The following SMIM1 variants were observed in gnomAD, a reference collection of about 807,000 sequenced individuals.
The protein encoded by SMIM1 is small integral membrane protein 1 (Vel blood group), also known as small integral membrane protein 1.
In SMIM1, 7 loss-of-function variants were observed where a neutral mutation model predicts 7.7. The observed-to-expected ratio is 0.91, with a 90% CI of 0.52 to 1.71. The LOEUF is 1.71. Among genes scored for constraint, SMIM1 ranks in the 40% most tolerant of loss-of-function variants. The pLI is 0.00. For missense variants in SMIM1, 95 were observed against 102.8 expected (o/e 0.92, Z 0.33); for synonymous variants, 41 against 42.7 (o/e 0.96, Z 0.16).
At position 3,775,891 on chromosome 1, in the gene SMIM1, C is replaced by T. The variant is rs1403519541; in HGVS notation, c.207C>T (p.Leu69=). 6.4e-7 allele frequency: 1 copy of T among 1,550,566 alleles called. No individual in the cohort carries two copies. Among genetic ancestry groups the T allele is most frequent in the African/African-American group, 1.4e-5 (1 of 73,052 alleles). ...LFWIIFILGY[L]TGYYVHKCK The stretch of plus-strand genomic sequence containing the variant: ...GGATCATCTTCATCCTGGGCTACCT[C>T]ACAGGCTACTATGTGCACAAGTGCA... The change falls in exon 4 of 4, where the codon CTC becomes CTT. Residue 69 remains leucine, a synonymous_variant. Transcript: ENST00000642557. The surrounding 1 kb of genome is among the most constrained non-coding windows in gnomAD (Gnocchi z 5.3).
chr1:3,774,120 G>A lies in SMIM1; in HGVS notation c.-76+939G>A, dbSNP rs990164538. Among the ~76,000 whole-genome samples the A allele has an allele frequency of 3.5e-4, 53 of 151,708 alleles. 1 individual carries two copies. Among genetic ancestry groups the A allele is most frequent in the African/African-American group, 1.2e-3 (49 of 40,976 alleles). On this transcript the variant is annotated intron_variant, in intron 2 of 3. Transcript: ENST00000642557. The stretch of plus-strand genomic sequence containing the variant: ...CAGGGGAGTGGCTGCTGTGCCTTTA[G>A]GCCTCTGTGCCGATGACCTGGGAGG...
In SMIM1 at chr1:3,775,937, C is replaced by T. The variant is rs1372030940; in HGVS notation, c.*16C>T. ...GTGCAAATAAATGCTGCCCCGCATG[C>T]ACGCGGGGGGCTGGCCGCACACGTG... On this transcript the variant is annotated 3_prime_UTR_variant, in exon 4 of 4. Coordinates refer to ENST00000642557, the MANE Select transcript of SMIM1 (RefSeq NM_001288583.2). This position sits in a 1 kb window ranked among gnomAD's most constrained non-coding sequence, Gnocchi z 5.3. The T allele has an allele frequency of 1.3e-6, 2 of 1,546,078 alleles. No individual in the cohort carries two copies. The highest frequency in any genetic ancestry group is 4.9e-5 in the East Asian group (2 of 40,906).
intron 2 of SMIM1, among the ~76,000 whole-genome samples, chr1:3,773,991 TGA>T (rs544236044): frequency 3.9e-5 from 6 of 152,346 alleles, no homozygotes; most frequent in Admixed American, 2.6e-4. Context: ...TTTATGGCTT[TGA>T]GACAGCTCCT....
chr1:3,773,508 C>T (rs1305128892), intron 2 of SMIM1, among the ~76,000 whole-genome samples: 1 of 152,098 alleles, frequency 6.6e-6, no homozygotes, highest in East Asian at 1.9e-4. Context: ...TGGGCTTGAC[C>T]CCTCCCACCG....
chr1:3,775,886 T>TAC lies in SMIM1; in HGVS notation c.203_204dup (p.Leu69ThrfsTer?). 6.4e-7 allele frequency: 1 copy of TAC among 1,550,812 alleles called. No individual in the cohort carries two copies. The highest frequency in any genetic ancestry group is 8.7e-7 in the Non-Finnish European group (1 of 1,146,924). ...CTTCTGGATCATCTTCATCCTGGGC[T>TAC]ACCTCACAGGCTACTATGTGCACAA... On this transcript the variant is annotated frameshift_variant, in exon 4 of 4. Coordinates refer to ENST00000642557, the MANE Select transcript of SMIM1 (RefSeq NM_001288583.2). LOFTEE classifies it high-confidence loss of function. The surrounding 1 kb of genome is among the most constrained non-coding windows in gnomAD (Gnocchi z 5.3).
intron 2 of SMIM1, among the ~76,000 whole-genome samples, chr1:3,774,925 G>A (rs1023081974): frequency 1.1e-4 from 17 of 152,032 alleles, no homozygotes; most frequent in Non-Finnish European, 1.8e-4. Flanking sequence ...TATCGGGCAG[G>A]GTTAAGGAGG....
At chr1:3,774,824 G>A (rs983258124) in intron 2 of SMIM1, among the ~76,000 whole-genome samples, 3 of 152,106 alleles carry the variant, frequency 2.0e-5, no homozygotes, top group East Asian at 1.9e-4. Flanking sequence ...GACAGGGACC[G>A]GTCTAGCTGT....
At position 3,772,806 on chromosome 1, in the gene SMIM1, C is replaced by G. The variant is rs533785286; in HGVS notation, c.-195+18C>G. ...GGACACAGGTGAGGCGCGCGGGGTC[C>G]GGGCTGCGGCTTCCCGGTGCGGCCG... On this transcript the variant is annotated intron_variant, in intron 1 of 3. Transcript: ENST00000642557. 1.3e-5 allele frequency: 2 copies of G among 152,442 alleles called. No individual in the cohort carries two copies. Among genetic ancestry groups the G allele is most frequent in the Non-Finnish European group, 2.9e-5 (2 of 68,254 alleles). 9.4% of individuals were successfully genotyped at this position (152,442 alleles called of 1,614,324 possible).
rs540915775 is a variant in SMIM1 at position 3,774,349 on chromosome 1, C to G, written c.-75-950C>G. Among the ~76,000 whole-genome samples, 5 of 152,260 alleles carry G rather than the reference C, an allele frequency of 3.3e-5. No individual in the cohort carries two copies. The East Asian group carries it at 9.7e-4, about 29-fold the overall frequency. Reference sequence around the variant, plus strand: ...TCTCGTGCCCCCTCCAACTCCTCCACCCCCACACCCCCTTAGGTAAATAGG... The same window carrying G: ...TCTCGTGCCCCCTCCAACTCCTCCAGCCCCACACCCCCTTAGGTAAATAGG... On this transcript the variant is annotated intron_variant, in intron 2 of 3. Transcript: ENST00000642557.
intron 2 of SMIM1, among the ~76,000 whole-genome samples, chr1:3,774,301 A>G (rs1420573477): frequency 6.6e-6 from 1 of 152,130 alleles, no homozygotes; most frequent in African/African-American, 2.4e-5. Context: ...CCCCAGTCCC[A>G]CAGCCTGGGT....
Position 3,775,442 on chromosome 1 carries a change from AG to A in SMIM1, c.73del (p.Ala25LeufsTer27). The A allele has an allele frequency of 6.6e-7, 1 of 1,511,810 alleles. No individual in the cohort carries two copies. The highest frequency in any genetic ancestry group is 9.0e-7 in the Non-Finnish European group (1 of 1,112,518). 93.6% of individuals were successfully genotyped at this position (1,511,810 alleles called of 1,614,324 possible). On this transcript the variant is annotated frameshift_variant, in exon 3 of 4. Transcript: ENST00000642557. LOFTEE classifies it high-confidence loss of function. The surrounding 1 kb of genome is among the most constrained non-coding windows in gnomAD (Gnocchi z 5.3). ...ACGGCAGCAGGGACGGAGTCAGCCT[AG>A]GGGCTGTGTCCAGCACAGAAGAGGC... ...EDGSRDGVSL[G>X]AVSSTEEASR... is the part of the protein sequence containing the mutation.
chr1:3,774,337 C>T (rs1643425325), intron 2 of SMIM1, among the ~76,000 whole-genome samples: 1 of 152,084 alleles, frequency 6.6e-6, no homozygotes, highest in African/African-American at 2.4e-5. Flanking sequence ...CGTGCCCCCT[C>T]CAACTCCTCC....
At chr1:3,774,274 G>A (rs1482985202) in intron 2 of SMIM1, among the ~76,000 whole-genome samples, 1 of 152,178 alleles carries the variant, frequency 6.6e-6, no homozygotes, top group Non-Finnish European at 1.5e-5. Flanking sequence ...TGGGGGCCCA[G>A]CAGACCAGAG....
rs566597818 is a variant in SMIM1, at chr1:3,773,613, G to C, written c.-76+432G>C. ...GTCGGGTTGCAAGGCGGCTGCTGCAGCTCCAGCAGCTCCAGCCATCACGTC... is the reference window on the plus strand; with the variant it reads ...GTCGGGTTGCAAGGCGGCTGCTGCACCTCCAGCAGCTCCAGCCATCACGTC... On this transcript the variant is annotated intron_variant, in intron 2 of 3. Coordinates refer to ENST00000642557, the MANE Select transcript of SMIM1 (RefSeq NM_001288583.2). Among the ~76,000 whole-genome samples, 73 of 152,272 alleles carry C rather than the reference G, an allele frequency of 4.8e-4. 1 individual carries two copies. Among genetic ancestry groups the C allele is most frequent in the African/African-American group, 1.7e-3 (71 of 41,552 alleles).
intron 2 of SMIM1, among the ~76,000 whole-genome samples, chr1:3,774,489 G>T (rs928544855): frequency 9.9e-5 from 15 of 152,166 alleles, no homozygotes; most frequent in Admixed American, 9.8e-4. Context: ...TGGTCTCCTC[G>T]CCCCTCTGGG....
At chr1:3,774,069 G>A (rs1475568946) in intron 2 of SMIM1, among the ~76,000 whole-genome samples, 5 of 152,230 alleles carry the variant, frequency 3.3e-5, no homozygotes, top group African/African-American at 7.2e-5. Context: ...ACTGCCTGGG[G>A]CCTGAGTTTC....
rs1168792983 is a variant in SMIM1, at chr1:3,775,552, AC to A, written c.110+73del. On this transcript the variant is annotated intron_variant, in intron 3 of 3. Coordinates refer to ENST00000642557, the MANE Select transcript of SMIM1 (RefSeq NM_001288583.2). This position sits in a 1 kb window ranked among gnomAD's most constrained non-coding sequence, Gnocchi z 5.3. ...TCTCCCTCCAGAGACGCCTGCCCTA[AC>A]CCCTGCTACCGGCCCCATCACCCTC... 6 of 1,389,602 alleles carry A rather than the reference AC, an allele frequency of 4.3e-6. No homozygotes were observed. The East Asian group carries it at 1.3e-4, about 29-fold the overall frequency. 86.1% of individuals were successfully genotyped at this position (1,389,602 alleles called of 1,614,324 possible). A position where few individuals can be genotyped will look rare whatever the true frequency, so the allele number is the denominator to read the frequency against.
At position 3,775,206 on chromosome 1, in the gene SMIM1, TGAG is replaced by T. The variant is rs200947690; in HGVS notation, c.-75-91_-75-89del. 0.013 allele frequency: 6,932 copies of T among 542,352 alleles called. 61 individuals are homozygous for T. The highest frequency in any genetic ancestry group is 0.03 in the Middle Eastern group (90 of 2,968). 33.6% of individuals were successfully genotyped at this position (542,352 alleles called of 1,614,324 possible). On this transcript the variant is annotated intron_variant, in intron 2 of 3. Coordinates refer to ENST00000642557, the MANE Select transcript of SMIM1 (RefSeq NM_001288583.2). This position sits in a 1 kb window ranked among gnomAD's most constrained non-coding sequence, Gnocchi z 5.3. ...CTGTTAAGTCAGGCGACAGACCCGG[TGAG>T]GGAGTCAGCCCCCGACCCTTAGTGC...
intron 2 of SMIM1, among the ~76,000 whole-genome samples, chr1:3,773,441 G>A (rs1643412211): frequency 6.6e-6 from 1 of 152,242 alleles, no homozygotes; most frequent in South Asian, 2.1e-4. Flanking sequence ...GGTGACTTGG[G>A]AACAACGTGT....
Sources: gnomAD v4.1 joint callset for allele counts (sites outside exome capture counted in the v4.1 genomes callset) on GRCh38, gnomAD v4.1.1 for gene constraint, Gnocchi (gnomAD v3.1) non-coding constraint, MANE v1.5 for transcripts, NCBI Gene and HGNC (gene_info 2026-07-23, HGNC 2026-07-21) for gene names.